Variants in MCC observed in about 807,000 individuals in gnomAD.
The protein encoded by MCC is colorectal mutant cancer protein.
In MCC, 90 loss-of-function variants were observed where a neutral mutation model predicts 116.2. The observed-to-expected ratio is 0.77, with a 90% CI of 0.65 to 0.92. The LOEUF (loss-of-function observed/expected upper bound fraction) is 0.92, where lower values mean the gene tolerates loss of function less well. Among genes scored for constraint, MCC ranks in the 40% least tolerant of loss-of-function variants. MCC has a pLI of 0.00. For synonymous variants in MCC, 578 were observed against 510.5 expected, an observed-to-expected ratio of 1.13 and a Z score of -1.78; for missense variants, 1,516 against 1,312.2, an observed-to-expected ratio of 1.16 and a Z score of -2.40.
chr5:113,269,177 A>G (rs1581344705), intron 3 of MCC: 1 of 985,418 alleles, frequency 1.0e-6, no homozygotes, highest in East Asian at 1.1e-4. Flanking sequence ...TACCAAACCC[A>G]TGGAACACCA....
In MCC at chr5:113,164,250, C is replaced by A. The variant is rs564623518; in HGVS notation, c.628-12828G>T. On this transcript the variant is annotated intron_variant, in intron 3 of 18. Coordinates refer to ENST00000408903, the MANE Select transcript of MCC (RefSeq NM_001085377.2). Reference sequence around the variant, plus strand: ...TATGTGCTAAAAAGCTCGGCAACTCCTCAGACAGCCAAGCCTGCTCACTGT... The same window carrying A: ...TATGTGCTAAAAAGCTCGGCAACTCATCAGACAGCCAAGCCTGCTCACTGT... 8.5e-5 allele frequency among the ~76,000 whole-genome samples: 13 copies of A among 152,348 alleles called. No homozygotes were observed. In the South Asian group the frequency reaches 2.7e-3, roughly 32 times the overall value.
intron 3 of MCC, among the ~76,000 whole-genome samples, chr5:113,293,232 T>C (rs1766577399): frequency 6.7e-6 from 1 of 149,306 alleles, no homozygotes; most frequent in Non-Finnish European, 1.5e-5. Flanking sequence ...TCACCAGGTG[T>C]TCCCTCACAC....
chr5:113,262,929 G>A (rs1278465432), intron 3 of MCC, among the ~76,000 whole-genome samples: 1 of 151,996 alleles, frequency 6.6e-6, no homozygotes, highest in African/African-American at 2.4e-5. Flanking sequence ...TCAACGTGTT[G>A]AAAAGACAAT....
At chr5:113,067,997 T>C (rs1753741016) in intron 13 of MCC, 83 bp downstream of exon 13, 6 of 1,214,036 alleles carry the variant, frequency 4.9e-6, no homozygotes, top group African/African-American at 1.5e-5. Flanking sequence ...CGGGAGATGA[T>C]TCAATGCCAG....
At chr5:113,147,281 G>A (rs985654193) in intron 4 of MCC, among the ~76,000 whole-genome samples, 2 of 152,154 alleles carry the variant, frequency 1.3e-5, no homozygotes, top group African/African-American at 4.8e-5. Context: ...CTGCTATGGT[G>A]CAATCCAGGG....
At chr5:113,044,628 G>T in intron 16 of MCC, 1 of 210,790 alleles carries the variant, frequency 4.7e-6, no homozygotes, top group Non-Finnish European at 8.2e-6. Flanking sequence ...AGGCTGGAGT[G>T]CAATGGCGTG....
At chr5:113,081,079 C>T (rs773810738) in intron 11 of MCC, among the ~76,000 whole-genome samples, 1 of 152,170 alleles carries the variant, frequency 6.6e-6, no homozygotes, top group Non-Finnish European at 1.5e-5. Context: ...GATGACCCCC[C>T]CTCCCCTGCC....
intron 5 of MCC, among the ~76,000 whole-genome samples, chr5:113,142,157 C>T (rs773667787): frequency 1.4e-5 from 2 of 147,162 alleles, no homozygotes; most frequent in South Asian, 2.1e-4. Context: ...CAAGAAGCCC[C>T]GCCATTACTG....
At chr5:113,367,756 G>A (rs1380800395) in intron 2 of MCC, among the ~76,000 whole-genome samples, 1 of 152,074 alleles carries the variant, frequency 6.6e-6, no homozygotes, top group African/African-American at 2.4e-5. Context: ...TCAGGGTAGG[G>A]TATGCTGGCT....
intron 3 of MCC, among the ~76,000 whole-genome samples, chr5:113,300,703 C>T (rs192461980): frequency 1.3e-4 from 20 of 152,254 alleles, no homozygotes; most frequent in Admixed American, 1.0e-3. Context: ...TCACCCCACT[C>T]TCCCACCGCT....
intron 3 of MCC, among the ~76,000 whole-genome samples, chr5:113,306,669 T>C (rs1380167223): frequency 6.6e-6 from 1 of 152,220 alleles, no homozygotes; most frequent in East Asian, 1.9e-4. Flanking sequence ...TTTTGTGAGC[T>C]GTCTTTTCCC....
chr5:113,328,577 T>C (rs897126313), intron 3 of MCC, among the ~76,000 whole-genome samples: 1 of 152,236 alleles, frequency 6.6e-6, no homozygotes, highest in Non-Finnish European at 1.5e-5. Context: ...AATGCATCTC[T>C]GATAGATGCC....
chr5:113,413,410 T>C (rs1206138031), intron 1 of MCC, among the ~76,000 whole-genome samples: 1 of 152,216 alleles, frequency 6.6e-6, no homozygotes, highest in Non-Finnish European at 1.5e-5. Context: ...CTGGACTTTT[T>C]TTGGTTGGTA....
chr5:113,327,561 A>AAAAAAAAAATATATAT (rs1480996383), intron 3 of MCC, among the ~76,000 whole-genome samples: 1 of 80,582 alleles, frequency 1.2e-5, no homozygotes, highest in African/African-American at 5.0e-5. Context: ...AAAAAAAAAA[A>AAAAAAAAAATATATAT]ATATATATAT....
chr5:113,460,703 A>G (rs1368664831), intron 1 of MCC, among the ~76,000 whole-genome samples: 1 of 152,224 alleles, frequency 6.6e-6, no homozygotes, highest in Non-Finnish European at 1.5e-5. Flanking sequence ...TTATAAATGC[A>G]GTCTGTCATG....
chr5:113,418,720 A>C (rs911979795), intron 1 of MCC, among the ~76,000 whole-genome samples: 13 of 152,258 alleles, frequency 8.5e-5, no homozygotes, highest in Admixed American at 2.6e-4. Flanking sequence ...CATCAAGATG[A>C]GTACAAGAAA....
chr5:113,266,829 A>C (rs535644553), intron 3 of MCC, among the ~76,000 whole-genome samples: 20 of 152,272 alleles, frequency 1.3e-4, no homozygotes, highest in African/African-American at 4.8e-4. Flanking sequence ...AAAACCTAAC[A>C]AAAAAACCTA....
At chr5:113,476,069 G>C (rs1580424775) in intron 1 of MCC, among the ~76,000 whole-genome samples, 2 of 152,298 alleles carry the variant, frequency 1.3e-5, no homozygotes, top group East Asian at 3.9e-4. Context: ...CTGTGGGCCA[G>C]AGGAAAAATC....
intron 5 of MCC, among the ~76,000 whole-genome samples, chr5:113,130,592 T>C (rs902328744): frequency 3.9e-5 from 6 of 152,176 alleles, no homozygotes. Context: ...TGGAGTCTAG[T>C]GGGAGGTGTC....
Sources: allele counts gnomAD v4.1 joint callset (sites outside exome capture counted in the v4.1 genomes callset), GRCh38; gene constraint gnomAD v4.1.1; transcripts MANE v1.5; gene names NCBI Gene and HGNC (gene_info 2026-07-23, HGNC 2026-07-21).